Variants in NALCN observed in about 807,000 individuals in gnomAD.
The protein encoded by NALCN is sodium leak channel NALCN.
In NALCN, 111 loss-of-function variants were observed where a neutral mutation model predicts 225.3. That is an observed-to-expected ratio of 0.49 (90% CI 0.42 to 0.58). NALCN has a LOEUF of 0.58. Ranked by LOEUF, NALCN falls within the 20% of genes least tolerant of loss-of-function variation. The pLI is 0.00. For missense variants in NALCN, 1,378 were observed against 2,202.4 expected, an observed-to-expected ratio of 0.63 and a Z score of 7.49; for synonymous variants, 764 against 769.0, an observed-to-expected ratio of 0.99 and a Z score of 0.11.
rs1446305163 is a variant in NALCN at position 101,243,093 on chromosome 13, T to G, written c.1267-5171A>C. On this transcript the variant is annotated intron_variant, in intron 11 of 43. Transcript: ENST00000251127. ...AGCTCTTTCAGTTTGCAGATTTATG[T>G]TTTTTTTTTTTTTTCATTTATGTAA... Among the ~76,000 whole-genome samples the G allele has an allele frequency of 2.1e-4, 6 of 28,724 alleles. 2 individuals are homozygous for G. Among genetic ancestry groups the G allele is most frequent in the Non-Finnish European group, 3.1e-4 (5 of 16,282 alleles). 18.8% of individuals were successfully genotyped at this position (28,724 alleles called of 152,430 possible). A position where few individuals can be genotyped will look rare whatever the true frequency, so the allele number is the denominator to read the frequency against.
intron 7 of NALCN, among the ~76,000 whole-genome samples, chr13:101,308,642 G>A (rs949469692): frequency 5.9e-5 from 9 of 152,158 alleles, no homozygotes; most frequent in Non-Finnish European, 7.3e-5. Flanking sequence ...GCTATGGTCC[G>A]TGGGCCCAGT....
chr13:101,059,980 G>A lies in NALCN; in HGVS notation c.4756-13C>T, dbSNP rs751174024. On this transcript the variant is annotated splice_polypyrimidine_tract_variant and intron_variant, in intron 41 of 43. Coordinates refer to ENST00000251127, the MANE Select transcript of NALCN (RefSeq NM_052867.4). Reference sequence around the variant, plus strand: ...ACTGCTGCTGTTTCTATGGAAATGCGATTGTTTGTTCAGTAAAATAAGCCC... The same window carrying A: ...ACTGCTGCTGTTTCTATGGAAATGCAATTGTTTGTTCAGTAAAATAAGCCC... 1.4e-5 allele frequency: 22 copies of A among 1,613,316 alleles called. No individual in the cohort carries two copies. The highest frequency in any genetic ancestry group is 6.7e-5 in the East Asian group (3 of 44,858).
At chr13:101,153,795 C>G (rs1246822726) in intron 15 of NALCN, among the ~76,000 whole-genome samples, 4 of 152,188 alleles carry the variant, frequency 2.6e-5, no homozygotes, top group Admixed American at 2.6e-4. Context: ...TCTTTTAGAA[C>G]ATCTAGAAAA....
At chr13:101,139,596 G>C (rs2036967384) in intron 17 of NALCN, among the ~76,000 whole-genome samples, 1 of 139,414 alleles carries the variant, frequency 7.2e-6, no homozygotes, top group Non-Finnish European at 1.5e-5. Context: ...TTTGCAGAGG[G>C]CTGGGTGGTT....
At chr13:101,381,190 T>C (rs2046838929) in intron 3 of NALCN, among the ~76,000 whole-genome samples, 1 of 152,138 alleles carries the variant, frequency 6.6e-6, no homozygotes, top group East Asian at 1.9e-4. Flanking sequence ...AGAAGGACAA[T>C]GGCCTTATTA....
chr13:101,377,226 G>C (rs974277594), intron 4 of NALCN, among the ~76,000 whole-genome samples, 170 bp from the exon 5 acceptor site: 1 of 152,148 alleles, frequency 6.6e-6, no homozygotes, highest in Admixed American at 6.5e-5. Context: ...TGAAGCTATA[G>C]CTATCTTAAC....
chr13:101,186,789 A>G (rs1251226438), intron 14 of NALCN, among the ~76,000 whole-genome samples: 3 of 152,186 alleles, frequency 2.0e-5, no homozygotes, highest in East Asian at 3.9e-4. Flanking sequence ...TTTAAACAGT[A>G]TATTTCATCT....
chr13:101,322,706 T>C (rs555084316), intron 7 of NALCN, among the ~76,000 whole-genome samples: 2 of 152,190 alleles, frequency 1.3e-5, no homozygotes, highest in Non-Finnish European at 2.9e-5. Flanking sequence ...TCTCTAAGCG[T>C]GGTTTTTTTA....
chr13:101,143,684 G>A (rs889798294), intron 16 of NALCN, among the ~76,000 whole-genome samples: 2 of 152,226 alleles, frequency 1.3e-5, no homozygotes, highest in East Asian at 3.9e-4. Flanking sequence ...GGCTGGTCTC[G>A]AACTCCCGAC....
intron 7 of NALCN, among the ~76,000 whole-genome samples, chr13:101,323,946 G>A (rs2044848094): frequency 6.6e-6 from 1 of 152,082 alleles, no homozygotes; most frequent in African/African-American, 2.4e-5. Context: ...ACTGAGATAG[G>A]TTCCTCTATG....
intron 10 of NALCN, among the ~76,000 whole-genome samples, chr13:101,262,504 C>T (rs945744307): frequency 2.8e-4 from 43 of 152,146 alleles, no homozygotes; most frequent in African/African-American, 9.9e-4. Flanking sequence ...GGGACTAGCG[C>T]CACCACACAT....
At chr13:101,193,102 C>CTTT (rs5806199) in intron 13 of NALCN, among the ~76,000 whole-genome samples, 6,382 of 142,258 alleles carry the variant, frequency 0.045, 334 homozygotes, top group African/African-American at 0.13. Flanking sequence ...CTGATTCCTT[C>CTTT]TTTTTTTTTT....
chr13:101,354,024 G>C (rs1470103688), intron 6 of NALCN, among the ~76,000 whole-genome samples: 2 of 152,182 alleles, frequency 1.3e-5, no homozygotes, highest in African/African-American at 4.8e-5. Context: ...AAGGCAATGA[G>C]AGGGCATGAA....
At chr13:101,201,393 T>C (rs1375735943) in intron 13 of NALCN, among the ~76,000 whole-genome samples, 4 of 152,164 alleles carry the variant, frequency 2.6e-5, no homozygotes, top group Non-Finnish European at 4.4e-5. Context: ...TTTCTGTCTC[T>C]ATGGCTTTTT....
chr13:101,196,903 C>T (rs974473397), intron 13 of NALCN, among the ~76,000 whole-genome samples: 2 of 152,148 alleles, frequency 1.3e-5, no homozygotes, highest in South Asian at 2.1e-4. Context: ...TTCGACACCC[C>T]TCTTTATCCT....
intron 18 of NALCN, chr13:101,116,566 C>CCTT (rs776608036): frequency 3.9e-6 from 2 of 515,322 alleles, no homozygotes; most frequent in South Asian, 2.8e-5. Context: ...TGTCCCAGAA[C>CCTT]AAGGGTGTGG....
At chr13:101,320,691 G>A (rs1275515574) in intron 7 of NALCN, among the ~76,000 whole-genome samples, 1 of 149,416 alleles carries the variant, frequency 6.7e-6, no homozygotes, top group Non-Finnish European at 1.5e-5. Context: ...TGTCTCAAAA[G>A]GGTTTTTGTT....
At chr13:101,319,951 A>G (rs1448875455) in intron 7 of NALCN, among the ~76,000 whole-genome samples, 2 of 152,178 alleles carry the variant, frequency 1.3e-5, no homozygotes, top group Non-Finnish European at 1.5e-5. Context: ...TTAAAAATCA[A>G]TCTCAAACAC....
At chr13:101,198,096 A>G (rs1201659050) in intron 13 of NALCN, among the ~76,000 whole-genome samples, 1 of 152,204 alleles carries the variant, frequency 6.6e-6, no homozygotes, top group African/African-American at 2.4e-5. Flanking sequence ...GTAGAGGGTG[A>G]AAGCACAACA....
Sources: allele counts gnomAD v4.1 joint callset (sites outside exome capture counted in the v4.1 genomes callset), GRCh38; gene constraint gnomAD v4.1.1; transcripts MANE v1.5; gene names NCBI Gene and HGNC (gene_info 2026-07-23, HGNC 2026-07-21).